The following KCNIP1 variants were observed in gnomAD, a reference collection of about 807,000 sequenced individuals.
The protein encoded by KCNIP1 is potassium voltage-gated channel interacting protein 1.
KCNIP1 carries 18 observed loss-of-function variants against 33.0 expected under a neutral mutation model. That is an observed-to-expected ratio of 0.55 (90% CI 0.38 to 0.81). The LOEUF (loss-of-function observed/expected upper bound fraction) is 0.81. KCNIP1 is among the 30% of genes least tolerant of loss of function. KCNIP1 has a pLI of 0.00. For missense variants in KCNIP1, 238 were observed against 271.6 expected, an observed-to-expected ratio of 0.88 and a Z score of 0.87; for synonymous variants, 93 against 98.3, an observed-to-expected ratio of 0.95 and a Z score of 0.32.
chr5:170,574,862 C>G (rs181309784), intron 1 of KCNIP1, among the ~76,000 whole-genome samples: 1 of 152,200 alleles, frequency 6.6e-6, no homozygotes. Flanking sequence ...CCCTGGAGAA[C>G]ACCCGTGCAG....
chr5:170,441,459 C>G (rs888993320), intron 1 of KCNIP1, among the ~76,000 whole-genome samples: 1 of 152,132 alleles, frequency 6.6e-6, no homozygotes, highest in African/African-American at 2.4e-5. Context: ...CATGTGCCCA[C>G]GTGCAGGGTT....
chr5:170,735,845 A>G lies in KCNIP1; in HGVS notation c.*39A>G, dbSNP rs1248314681. On this transcript the variant is annotated 3_prime_UTR_variant, in exon 8 of 8. Transcript: ENST00000328939. The stretch of plus-strand genomic sequence containing the variant: ...GCCATTCAGCTCTCAGAGACATTGT[A>G]CTAAACAACCACCTTAACACCCTGA... 4.4e-6 allele frequency: 7 copies of G among 1,574,492 alleles called. No homozygotes were observed. The highest frequency in any genetic ancestry group is 6.1e-6 in the Non-Finnish European group (7 of 1,144,276).
chr5:170,614,246 G>A (rs1344028955), intron 1 of KCNIP1, among the ~76,000 whole-genome samples: 1 of 152,204 alleles, frequency 6.6e-6, no homozygotes, highest in Non-Finnish European at 1.5e-5. Flanking sequence ...ACTGGTCCGG[G>A]TTGGGAGAAA....
intron 1 of KCNIP1, among the ~76,000 whole-genome samples, chr5:170,362,011 C>G (rs959939408): frequency 1.3e-5 from 2 of 152,172 alleles, no homozygotes; most frequent in African/African-American, 4.8e-5. Context: ...CTGCTGATTT[C>G]AAAGGCCTCT....
rs73803713 is a variant in KCNIP1, at chr5:170,468,387, A to C, written c.88+114423A>C. On this transcript the variant is annotated intron_variant, in intron 1 of 7. Coordinates refer to the KCNIP1 transcript ENST00000377360. ...AAGGTACTCTTAAATGTGATTGTTA[A>C]AATTTGCTAGACCTATAAATAAATA... is the stretch of plus-strand genomic sequence containing the variant. Among the ~76,000 whole-genome samples, 770 of 152,320 alleles carry C rather than the reference A, an allele frequency of 5.1e-3. 4 individuals are homozygous for C. The highest frequency in any genetic ancestry group is 0.017 in the African/African-American group (725 of 41,568).
intron 1 of KCNIP1, chr5:170,483,100 G>A: frequency 2.2e-6 from 1 of 455,472 alleles, no homozygotes; most frequent in Non-Finnish European, 4.4e-6. Flanking sequence ...GAGCCGGATA[G>A]CTTGGGCAGT....
intron 1 of KCNIP1, among the ~76,000 whole-genome samples, chr5:170,619,258 C>G (rs138145152): frequency 7.9e-4 from 121 of 152,316 alleles, no homozygotes; most frequent in African/African-American, 2.8e-3. Context: ...AAGAGGCACA[C>G]TTGGACACTG....
intron 1 of KCNIP1, among the ~76,000 whole-genome samples, chr5:170,368,465 A>G (rs1223518472): frequency 6.6e-6 from 1 of 151,954 alleles, no homozygotes; most frequent in Non-Finnish European, 1.5e-5. Context: ...GGGTTTCACA[A>G]TGTTTTCCAG....
chr5:170,479,015 A>G (rs1447349672), intron 1 of KCNIP1, among the ~76,000 whole-genome samples: 1 of 152,246 alleles, frequency 6.6e-6, no homozygotes, highest in Non-Finnish European at 1.5e-5. Flanking sequence ...TCTGTCAAGA[A>G]GGCATCAAAG....
chr5:170,388,491 T>C (rs1045278970), intron 1 of KCNIP1, among the ~76,000 whole-genome samples: 3 of 152,208 alleles, frequency 2.0e-5, no homozygotes, highest in Non-Finnish European at 2.9e-5. Flanking sequence ...TTTCTAAATA[T>C]CTCTGAAGTT....
intron 1 of KCNIP1, among the ~76,000 whole-genome samples, chr5:170,467,932 A>AG (rs1327806172): frequency 6.6e-6 from 1 of 151,406 alleles, no homozygotes; most frequent in Admixed American, 6.6e-5. Context: ...AAAAAAAAAA[A>AG]AAAAAAAGGA....
chr5:170,448,252 G>GC (rs1756164843), intron 1 of KCNIP1, among the ~76,000 whole-genome samples: 2 of 152,222 alleles, frequency 1.3e-5, no homozygotes, highest in Admixed American at 1.3e-4. Context: ...TGGCAGCATG[G>GC]AGCAGCTTCA....
chr5:170,385,297 C>T (rs1450445133), intron 1 of KCNIP1: 3 of 1,613,778 alleles, frequency 1.9e-6, no homozygotes, highest in Non-Finnish European at 2.5e-6. Flanking sequence ...GGTGGGCAGG[C>T]CGGGAGAGCT....
At chr5:170,380,842 T>C (rs314160) in intron 1 of KCNIP1, among the ~76,000 whole-genome samples, 14,904 of 152,240 alleles carry the variant, frequency 0.098, 790 homozygotes, top group Middle Eastern at 0.16. Context: ...CCTTGGCAAC[T>C]GCCACAACCT....
At chr5:170,594,902 G>A (rs1345124002) in intron 1 of KCNIP1, among the ~76,000 whole-genome samples, 1 of 152,208 alleles carries the variant, frequency 6.6e-6, no homozygotes, top group Non-Finnish European at 1.5e-5. Flanking sequence ...TCTGCATGTG[G>A]CAAACATTAC....
intron 1 of KCNIP1, among the ~76,000 whole-genome samples, chr5:170,530,213 G>T (rs1185882918): frequency 6.6e-6 from 1 of 152,186 alleles, no homozygotes; most frequent in African/African-American, 2.4e-5. Context: ...TGGCAACACA[G>T]ATAAAATCAA....
chr5:170,575,560 T>C (rs1314275288), intron 1 of KCNIP1, among the ~76,000 whole-genome samples: 2 of 152,216 alleles, frequency 1.3e-5, no homozygotes, highest in African/African-American at 2.4e-5. Flanking sequence ...GCAGTGATCA[T>C]TTTTTAATCT....
chr5:170,463,726 A>G (rs554246370), intron 1 of KCNIP1, among the ~76,000 whole-genome samples: 27 of 152,306 alleles, frequency 1.8e-4, no homozygotes, highest in Admixed American at 2.6e-4. Context: ...AATAATGGTA[A>G]AAGACTGAAT....
chr5:170,434,879 C>T (rs1755824757), intron 1 of KCNIP1, among the ~76,000 whole-genome samples: 1 of 152,178 alleles, frequency 6.6e-6, no homozygotes, highest in Admixed American at 6.5e-5. Context: ...CACTTGAACC[C>T]AGGAAGGGGA....
Sources: gnomAD v4.1 joint callset for allele counts (sites outside exome capture counted in the v4.1 genomes callset) on GRCh38, gnomAD v4.1.1 for gene constraint, MANE v1.5 for transcripts, NCBI Gene and HGNC (gene_info 2026-07-23, HGNC 2026-07-21) for gene names.